The following CD2AP variants were observed in gnomAD, a reference collection of about 807,000 sequenced individuals.
The protein encoded by CD2AP is CD2 associated protein, also known as CD2-associated protein.
Under a neutral mutation model 85.1 loss-of-function variants are expected in CD2AP, and 46 were observed. The observed-to-expected ratio is 0.54, with a 90% CI of 0.43 to 0.69. The LOEUF is 0.69. CD2AP is among the 30% of genes least tolerant of loss of function. CD2AP has a pLI of 0.00. For missense variants in CD2AP, 769 were observed against 729.5 expected (o/e 1.05, Z -0.62); for synonymous variants, 255 against 252.9 (o/e 1.01, Z -0.08).
At chr6:47,505,505 G>A (rs71626817) in intron 2 of CD2AP, among the ~76,000 whole-genome samples, 4 of 150,108 alleles carry the variant, frequency 2.7e-5, no homozygotes, top group Admixed American at 6.6e-5. Context: ...CCACAAAGCC[G>A]CCATTGTCAT....
chr6:47,607,270 A>G (rs1447974569), intron 14 of CD2AP, among the ~76,000 whole-genome samples: 3 of 152,128 alleles, frequency 2.0e-5, no homozygotes, highest in Admixed American at 1.3e-4. Flanking sequence ...TACAGTAAAC[A>G]TGGGAGTGCA....
At chr6:47,505,633 C>A (rs1161172906) in intron 2 of CD2AP, among the ~76,000 whole-genome samples, 7 of 126,412 alleles carry the variant, frequency 5.5e-5, no homozygotes, top group Non-Finnish European at 1.1e-4. Context: ...CTGACCCCCC[C>A]CACCTCCCTC....
chr6:47,505,626 ACC>A (rs1370439585), intron 2 of CD2AP, among the ~76,000 whole-genome samples: 3 of 74,668 alleles, frequency 4.0e-5, no homozygotes, highest in Admixed American at 1.6e-4. Flanking sequence ...GGGGGGGCTG[ACC>A]CCCCCCACCT....
chr6:47,562,799 TG>T, intron 5 of CD2AP: 1 of 1,161,196 alleles, frequency 8.6e-7, no homozygotes, highest in African/African-American at 1.5e-5. Context: ...GATGAGCCTT[TG>T]TATGTCAAGT....
chr6:47,573,881 TAAA>T (rs973772402), intron 5 of CD2AP, among the ~76,000 whole-genome samples, 180 bp from the exon 6 acceptor site: 3 of 152,172 alleles, frequency 2.0e-5, no homozygotes, highest in Non-Finnish European at 4.4e-5. Flanking sequence ...TTTTGCACAA[TAAA>T]AAAGTCTGTG....
intron 11 of CD2AP, among the ~76,000 whole-genome samples, chr6:47,582,981 C>T (rs1397403706): frequency 6.6e-6 from 1 of 151,932 alleles, no homozygotes; most frequent in Non-Finnish European, 1.5e-5. Context: ...GGCGGGGTTT[C>T]ACCATGTTAG....
chr6:47,575,128 C>T (rs9395279), intron 6 of CD2AP, among the ~76,000 whole-genome samples: 40,863 of 152,008 alleles, frequency 0.27, 5,684 homozygotes, highest in African/African-American at 0.33. Flanking sequence ...AGAACTTCCA[C>T]TTTCTATCCT....
At chr6:47,511,886 G>GAGT (rs1554169170) in intron 2 of CD2AP, among the ~76,000 whole-genome samples, 1 of 151,574 alleles carries the variant, frequency 6.6e-6, no homozygotes, top group Non-Finnish European at 1.5e-5. Flanking sequence ...AATTGGCCGG[G>GAGT]GGTGGCTCAC....
intron 1 of CD2AP, among the ~76,000 whole-genome samples, chr6:47,480,371 A>G (rs1175337511): frequency 6.6e-6 from 1 of 152,116 alleles, no homozygotes; most frequent in Non-Finnish European, 1.5e-5. Context: ...TATTTACATG[A>G]TATTTTATCT....
chr6:47,622,001 C>T (rs1055174872), intron 17 of CD2AP, among the ~76,000 whole-genome samples: 1 of 152,228 alleles, frequency 6.6e-6, no homozygotes, highest in East Asian at 1.9e-4. Flanking sequence ...TCACGCTCTT[C>T]TTGGGCGGGT....
chr6:47,568,399 C>T (rs1284466933), intron 5 of CD2AP, among the ~76,000 whole-genome samples: 2 of 152,018 alleles, frequency 1.3e-5, no homozygotes, highest in African/African-American at 4.8e-5. Context: ...TAGAAAAATT[C>T]GGATGTCTGT....
Position 47,609,373 on chromosome 6 carries a change from A to G in CD2AP, c.1814+69A>G, listed in dbSNP as rs918659576. On this transcript the variant is annotated intron_variant, in intron 16 of 17. Coordinates refer to ENST00000359314, the MANE Select transcript of CD2AP (RefSeq NM_012120.3). ...GCATAAAGAATTTTTTTCAAACCAT[A>G]TTAAGTAAAAATCTAATCTGTGGCT... 3.9e-6 allele frequency: 5 copies of G among 1,276,686 alleles called. No homozygotes were observed. The African/African-American group carries it at 4.4e-5, about 11-fold the overall frequency. The allele number at this position is 1,276,686 out of a possible 1,614,324, so 79.1% of individuals were successfully genotyped here.
rs1768238681 is a variant in CD2AP at position 47,574,219 on chromosome 6, A to G, written c.697A>G (p.Ser233Gly). ...GSVKLRTRTS[S>G]SETEEKKPEK... Reference sequence around the variant, plus strand: ...TGTGAAACTTCGGACAAGAACATCCAGTAGTGAAACAGAAGAGAAAAAACC... The same window carrying G: ...TGTGAAACTTCGGACAAGAACATCCGGTAGTGAAACAGAAGAGAAAAAACC... Residue 233 changes from serine (S) to glycine (G), a missense_variant, in exon 6 of 18, where the codon AGT becomes GGT. By Grantham distance (56) the Ser-to-Gly change is moderately conservative (BLOSUM62 0). Transcript: ENST00000359314. 6.2e-7 allele frequency: 1 copy of G among 1,613,950 alleles called. No homozygotes were observed. Among genetic ancestry groups the G allele is most frequent in the Non-Finnish European group, 8.5e-7 (1 of 1,179,962 alleles).
At chr6:47,500,417 G>T (rs1765970043) in intron 1 of CD2AP, among the ~76,000 whole-genome samples, 1 of 152,052 alleles carries the variant, frequency 6.6e-6, no homozygotes, top group Non-Finnish European at 1.5e-5. Context: ...GGCTTTATCA[G>T]CTGTGCATCC....
chr6:47,608,826 A>G (rs562026401), intron 15 of CD2AP, among the ~76,000 whole-genome samples: 1 of 152,208 alleles, frequency 6.6e-6, no homozygotes, highest in African/African-American at 2.4e-5. Context: ...ATGCTGTTAC[A>G]TTCTTGCCCC....
intron 2 of CD2AP, among the ~76,000 whole-genome samples, chr6:47,505,471 C>T (rs12214064): frequency 0.26 from 38,694 of 149,426 alleles, 5,181 homozygotes; most frequent in African/African-American, 0.3. Flanking sequence ...TCAATCTCTT[C>T]CCCGCCTTTC....
intron 2 of CD2AP, among the ~76,000 whole-genome samples, chr6:47,522,678 G>A (rs1345483949): frequency 6.6e-6 from 1 of 151,866 alleles, no homozygotes; most frequent in Non-Finnish European, 1.5e-5. Context: ...TCACTCAGAT[G>A]TTTTTTCTTG....
intron 2 of CD2AP, among the ~76,000 whole-genome samples, chr6:47,527,459 T>C (rs1766760221): frequency 6.6e-6 from 1 of 152,236 alleles, no homozygotes; most frequent in South Asian, 2.1e-4. Context: ...AAAGGGAGAA[T>C]TATACTGTGG....
intron 5 of CD2AP, among the ~76,000 whole-genome samples, chr6:47,559,956 A>G (rs955174417): frequency 7.2e-5 from 11 of 152,126 alleles, no homozygotes; most frequent in South Asian, 2.1e-4. Flanking sequence ...ATTATTTTAT[A>G]TATTTATTTT....
Sources: gnomAD v4.1 joint callset for allele counts (sites outside exome capture counted in the v4.1 genomes callset) on GRCh38, gnomAD v4.1.1 for gene constraint, MANE v1.5 for transcripts, NCBI Gene and HGNC (gene_info 2026-07-23, HGNC 2026-07-21) for gene names.